The following CAB39 variants were observed in gnomAD, a reference collection of about 807,000 sequenced individuals.
CAB39 encodes the protein calcium binding protein 39, also known as calcium-binding protein 39.
A neutral mutation model predicts 40.0 loss-of-function variants in CAB39; 8 were observed. The ratio of observed to expected loss-of-function variants is 0.20; its 90% CI spans 0.12 to 0.36. CAB39 has a LOEUF of 0.36. CAB39 is among the 10% of genes least tolerant of loss of function. The pLI, the probability that CAB39 is intolerant of heterozygous loss-of-function variation, is 1.00. For missense variants in CAB39, 270 were observed against 401.1 expected (o/e 0.67, Z 2.79); for synonymous variants, 156 against 141.6 (o/e 1.10, Z -0.72).
chr2:230,730,041 A>T (rs909070963), intron 1 of CAB39, among the ~76,000 whole-genome samples: 5 of 152,226 alleles, frequency 3.3e-5, no homozygotes, highest in African/African-American at 1.2e-4. Flanking sequence ...AACACAGTAA[A>T]AGATACATAT....
At chr2:230,720,614 G>A (rs1694431974) in intron 1 of CAB39, among the ~76,000 whole-genome samples, 1 of 152,048 alleles carries the variant, frequency 6.6e-6, no homozygotes, top group Non-Finnish European at 1.5e-5. Flanking sequence ...TTTAGACGGG[G>A]TTTCACCATG....
chr2:230,813,978 CTTTTTTTTTTTTTTTTT>C (rs1160253213), intron 6 of CAB39, 54 bp from the exon 7 acceptor site: 89 of 113,058 alleles, frequency 7.9e-4, no homozygotes, highest in South Asian at 2.1e-3. Context: ...ACCTACCAGT[CTTTTTTTTTTTTTTTTT>C]TTTTTTTTTT....
At chr2:230,791,243 C>A (rs1355497814) in intron 3 of CAB39, among the ~76,000 whole-genome samples, 1 of 152,076 alleles carries the variant, frequency 6.6e-6, no homozygotes, top group African/African-American at 2.4e-5. Context: ...AGGGTTCTTC[C>A]CTGTTTCATC....
At chr2:230,797,477 T>C (rs1696006773) in intron 4 of CAB39, among the ~76,000 whole-genome samples, 1 of 139,970 alleles carries the variant, frequency 7.1e-6, no homozygotes, top group South Asian at 2.2e-4. Flanking sequence ...TAGAACTGGG[T>C]AACTGAAACA....
chr2:230,786,373 T>A (rs1291482062), intron 2 of CAB39, among the ~76,000 whole-genome samples: 1 of 133,706 alleles, frequency 7.5e-6, no homozygotes, highest in African/African-American at 2.8e-5. Context: ...GGGGTGGGGA[T>A]GGGGGGAACA....
At chr2:230,806,249 G>C (rs1696191735) in intron 5 of CAB39, among the ~76,000 whole-genome samples, 1 of 152,140 alleles carries the variant, frequency 6.6e-6, no homozygotes, top group Non-Finnish European at 1.5e-5. Flanking sequence ...ATTGAAATCA[G>C]ACAATAAATG....
chr2:230,813,337 A>G (rs368392210), intron 6 of CAB39, among the ~76,000 whole-genome samples: 1 of 152,158 alleles, frequency 6.6e-6, no homozygotes. Flanking sequence ...TTGAAGGTCT[A>G]GTGGACCTGT....
intron 2 of CAB39, among the ~76,000 whole-genome samples, chr2:230,780,808 C>A (rs2124943910): frequency 6.6e-6 from 1 of 152,284 alleles, no homozygotes; most frequent in Non-Finnish European, 1.5e-5. Flanking sequence ...TGGAGCCAGG[C>A]TCAGTGGCTC....
At chr2:230,791,412 T>C (rs1272722098) in intron 3 of CAB39, among the ~76,000 whole-genome samples, 1 of 152,196 alleles carries the variant, frequency 6.6e-6, no homozygotes, top group Non-Finnish European at 1.5e-5. Flanking sequence ...ATGTTAGAAT[T>C]TCAGAGGAAG....
Position 230,759,965 on chromosome 2 carries a change from C to G in CAB39, c.-37C>G. On this transcript the variant is annotated 5_prime_UTR_variant, in exon 2 of 9. Transcript: ENST00000258418. ...ACCTTGTGCTGTGTTCTAGGTAGCA[C>G]AGGCGGAGTGCAGCGGAGGCCCCTG... 8.8e-7 allele frequency: 1 copy of G among 1,141,748 alleles called. No homozygotes were observed. The highest frequency in any genetic ancestry group is 1.3e-6 in the Non-Finnish European group (1 of 750,896). The allele number at this position is 1,141,748 out of a possible 1,614,324, so 70.7% of individuals were successfully genotyped here. A position where few individuals can be genotyped will look rare whatever the true frequency, so the allele number is the denominator to read the frequency against.
Position 230,741,790 on chromosome 2 carries a change from G to A in CAB39, c.-43-18169G>A, listed in dbSNP as rs530959166. On this transcript the variant is annotated intron_variant, in intron 1 of 8. Coordinates refer to ENST00000258418, the MANE Select transcript of CAB39 (RefSeq NM_016289.4). The stretch of plus-strand genomic sequence containing the variant: ...TTATGTAATGTTATACTTATTCAAC[G>A]TGTATTTAGATATAGTTACCATATA... 7.8e-4 allele frequency among the ~76,000 whole-genome samples: 119 copies of A among 152,258 alleles called. 1 individual carries two copies. The highest frequency in any genetic ancestry group is 3.4e-3 in the Middle Eastern group (1 of 294).
rs184361774 is a variant in CAB39 at position 230,731,337 on chromosome 2, G to A, written c.-44+18107G>A. On this transcript the variant is annotated intron_variant, in intron 1 of 8. Transcript: ENST00000258418. The stretch of plus-strand genomic sequence containing the variant: ...CCTTTCTGGGAAAGAGTTTGGTCCC[G>A]TATATAGCCAGGTTGTTAATATACT... 2.4e-4 allele frequency among the ~76,000 whole-genome samples: 37 copies of A among 152,232 alleles called. No individual in the cohort carries two copies. In the East Asian group the frequency reaches 4.6e-3, roughly 19 times the overall value.
chr2:230,817,702 T>G, intron 7 of CAB39, 52 bp from the exon 8 acceptor site: 3 of 1,430,444 alleles, frequency 2.1e-6, no homozygotes, highest in Non-Finnish European at 2.9e-6. Context: ...TTTTAAACTT[T>G]GATTTTTCTT....
At chr2:230,722,613 A>G (rs1449106160) in intron 1 of CAB39, among the ~76,000 whole-genome samples, 2 of 152,362 alleles carry the variant, frequency 1.3e-5, no homozygotes, top group African/African-American at 4.8e-5. Flanking sequence ...TAACATAGCA[A>G]TAATAGAACC....
intron 1 of CAB39, among the ~76,000 whole-genome samples, chr2:230,722,556 G>T (rs1221967223): frequency 1.3e-5 from 2 of 152,202 alleles, no homozygotes; most frequent in African/African-American, 2.4e-5. Flanking sequence ...GTTGTGTGTT[G>T]TTGGGCAGGG....
At chr2:230,806,306 T>G (rs1030542765) in intron 5 of CAB39, among the ~76,000 whole-genome samples, 1 of 152,148 alleles carries the variant, frequency 6.6e-6, no homozygotes, top group Non-Finnish European at 1.5e-5. Flanking sequence ...CAGAGCCCAC[T>G]TTGAGTAAAC....
chr2:230,755,915 C>T (rs532304111), intron 1 of CAB39, among the ~76,000 whole-genome samples: 1 of 152,314 alleles, frequency 6.6e-6, no homozygotes, highest in South Asian at 2.1e-4. Flanking sequence ...TTGGGCATCT[C>T]CATACTCTAG....
intron 2 of CAB39, 30 bp downstream of exon 2, chr2:230,760,145 A>G: frequency 1.5e-6 from 2 of 1,369,118 alleles, no homozygotes; most frequent in Non-Finnish European, 2.1e-6. Flanking sequence ...TATATTTGAA[A>G]TATCTTAATT....
intron 4 of CAB39, among the ~76,000 whole-genome samples, chr2:230,794,051 G>A (rs1695936709): frequency 6.6e-6 from 1 of 152,182 alleles, no homozygotes. Flanking sequence ...GGTATGGTGT[G>A]CATCTGTTTG....
Sources: allele counts gnomAD v4.1 joint callset (sites outside exome capture counted in the v4.1 genomes callset), GRCh38; gene constraint gnomAD v4.1.1; transcripts MANE v1.5; gene names NCBI Gene and HGNC (gene_info 2026-07-23, HGNC 2026-07-21).